The following OR51B5 variants were observed in gnomAD, a reference collection of about 807,000 sequenced individuals.
OR51B5 encodes olfactory receptor 51B5.
For synonymous variants in OR51B5, 186 were observed against 144.8 expected (o/e 1.28, Z -2.04); for missense variants, 456 against 374.6 (o/e 1.22, Z -1.79).
At chr11:5,386,751 G>T (rs1849701315) in intron 1 of OR51B5, among the ~76,000 whole-genome samples, 1 of 152,024 alleles carries the variant, frequency 6.6e-6, no homozygotes, top group African/African-American at 2.4e-5. Flanking sequence ...ATTGGCTACA[G>T]AGATGAAGAT....
downstream of OR51B5, chr11:5,340,506 TTC>T (rs1371051079): frequency 6.6e-6 from 1 of 151,690 alleles, no homozygotes; most frequent in Non-Finnish European, 1.5e-5. Flanking sequence ...TATTGAAAAA[TTC>T]TTTTTAAAAA....
At chr11:5,375,209 C>G in intron 1 of OR51B5, among the ~76,000 whole-genome samples, 1 of 146,956 alleles carries the variant, frequency 6.8e-6, no homozygotes, top group Non-Finnish European at 1.5e-5. Flanking sequence ...ATTTTCAACA[C>G]AGAATTTAAT....
intron 1 of OR51B5, chr11:5,468,592 C>A (rs1851174952): frequency 2.2e-6 from 1 of 447,900 alleles, no homozygotes; most frequent in South Asian, 1.6e-5. Flanking sequence ...GAGACATGAA[C>A]TTGTGCACAT....
intron 1 of OR51B5, chr11:5,389,967 T>C: frequency 1.2e-6 from 2 of 1,611,972 alleles, no homozygotes; most frequent in Non-Finnish European, 8.5e-7. Flanking sequence ...TCCCACTCAT[T>C]TTGCCTGCAC....
intron 1 of OR51B5, chr11:5,468,964 G>A (rs1851181421): frequency 5.7e-6 from 2 of 349,886 alleles, no homozygotes; most frequent in South Asian, 2.1e-5. Flanking sequence ...TGCAGAAGCT[G>A]CGGATGACAA....
chr11:5,400,644 C>G (rs1025845697), intron 1 of OR51B5, among the ~76,000 whole-genome samples: 6 of 152,124 alleles, frequency 3.9e-5, no homozygotes, highest in African/African-American at 1.4e-4. Flanking sequence ...TAATTGCAAC[C>G]AGCTTGGAGA....
At chr11:5,342,471 TAACACCTATTTTACC>T, downstream of OR51B5, 2 of 1,270,046 alleles carry the variant, frequency 1.6e-6, no homozygotes, top group Non-Finnish European at 2.1e-6. Flanking sequence ...AGCTGTATTT[TAACACCTATTTTACC>T]AAGTCATATG....
chr11:5,420,404 T>C (rs1850315361), intron 1 of OR51B5, among the ~76,000 whole-genome samples: 1 of 152,144 alleles, frequency 6.6e-6, no homozygotes, highest in East Asian at 1.9e-4. Flanking sequence ...CATTGTTTTA[T>C]GCTTCTTTGT....
At chr11:5,400,467 C>A (rs974438229) in intron 1 of OR51B5, among the ~76,000 whole-genome samples, 1 of 151,528 alleles carries the variant, frequency 6.6e-6, no homozygotes. Context: ...TTTTTTCCTG[C>A]ACTACATTGC....
intron 1 of OR51B5, among the ~76,000 whole-genome samples, chr11:5,466,649 T>C (rs1851142412): frequency 6.6e-6 from 1 of 152,260 alleles, no homozygotes; most frequent in Non-Finnish European, 1.5e-5. Context: ...ATCTCTTTTT[T>C]GTCTCTCTAT....
chr11:5,462,055 A>G (rs1169902777), intron 1 of OR51B5, among the ~76,000 whole-genome samples: 2 of 152,208 alleles, frequency 1.3e-5, no homozygotes, highest in South Asian at 2.1e-4. Flanking sequence ...GCCTTCCTCT[A>G]ACAACACAAG....
At chr11:5,435,696 G>A (rs935684659) in intron 1 of OR51B5, among the ~76,000 whole-genome samples, 4 of 152,124 alleles carry the variant, frequency 2.6e-5, no homozygotes, top group Admixed American at 6.6e-5. Flanking sequence ...CCAAGTGTCT[G>A]ACTTTTAATT....
At chr11:5,499,611 A>G (rs1443797670) in intron 1 of OR51B5, among the ~76,000 whole-genome samples, 1 of 152,148 alleles carries the variant, frequency 6.6e-6, no homozygotes, top group Non-Finnish European at 1.5e-5. Flanking sequence ...TCCTCCAGTT[A>G]TTCTCCTTCT....
intron 1 of OR51B5, among the ~76,000 whole-genome samples, chr11:5,482,437 T>C (rs1590021981): frequency 8.3e-5 from 6 of 72,046 alleles, no homozygotes; most frequent in Admixed American, 1.6e-4. Flanking sequence ...ATTCAGGACA[T>C]AGGCATGGGC....
chr11:5,423,157 G>A (rs780816782), intron 1 of OR51B5: 1 of 1,579,238 alleles, frequency 6.3e-7, no homozygotes, highest in Non-Finnish European at 8.6e-7. Flanking sequence ...CAAGATGAGG[G>A]AATGCATTTC....
rs115590140 is a variant in OR51B5, at chr11:5,497,659, G to A, written n.84+7910C>T. Among the ~76,000 whole-genome samples the A allele has an allele frequency of 7.1e-3, 1,082 of 152,264 alleles. 9 individuals are homozygous for A. Among genetic ancestry groups the A allele is most frequent in the African/African-American group, 0.024 (1,016 of 41,548 alleles). On this transcript the variant is annotated intron_variant and non_coding_transcript_variant, in intron 1 of 4. Transcript: ENST00000415970. ...GTTAAGGTTGCTGCCTAGAGACACT[G>A]GGTCCCTTCCTTTTTCTCTTGTCAG...
At chr11:5,478,829 T>G (rs1442237837) in intron 1 of OR51B5, among the ~76,000 whole-genome samples, 1 of 148,866 alleles carries the variant, frequency 6.7e-6, no homozygotes, top group Non-Finnish European at 1.5e-5. Flanking sequence ...TAAAAAGAAA[T>G]GAGCAAAGCC....
intron 1 of OR51B5, among the ~76,000 whole-genome samples, chr11:5,353,178 C>T (rs1177335338): frequency 6.6e-6 from 1 of 151,976 alleles, no homozygotes; most frequent in Non-Finnish European, 1.5e-5. Flanking sequence ...AAACCATTTC[C>T]CTCAATTCAA....
chr11:5,495,355 T>C (rs1300409271), intron 1 of OR51B5, among the ~76,000 whole-genome samples: 1 of 152,196 alleles, frequency 6.6e-6, no homozygotes, highest in Non-Finnish European at 1.5e-5. Flanking sequence ...CTTTTAATCT[T>C]AGTATAAAAG....
Sources: allele counts gnomAD v4.1 joint callset (sites outside exome capture counted in the v4.1 genomes callset), GRCh38; gene constraint gnomAD v4.1.1; transcripts MANE v1.5; gene names NCBI Gene and HGNC (gene_info 2026-07-23, HGNC 2026-07-21).